The following GPRC6A variants were observed in gnomAD, a reference collection of about 807,000 sequenced individuals.
GPRC6A encodes G protein-coupled receptor class C group 6 member A, also known as G protein-coupled receptor family C group 6 member A.
In GPRC6A, 54 loss-of-function variants were observed where a neutral mutation model predicts 47.0. That is an observed-to-expected ratio of 1.15 (90% CI 0.92 to 1.44). GPRC6A has a LOEUF of 1.44. GPRC6A is among the 40% of genes most tolerant of loss of function. The pLI is 0.00. For missense variants in GPRC6A, 1,112 were observed against 1,105.5 expected (o/e 1.01, Z -0.08); for synonymous variants, 347 against 377.1 (o/e 0.92, Z 0.93).
chr6:116,812,446 G>A (rs1773056562), intron 1 of GPRC6A, among the ~76,000 whole-genome samples: 2 of 152,096 alleles, frequency 1.3e-5, no homozygotes, highest in Non-Finnish European at 2.9e-5. Context: ...TGGTAAAAAA[G>A]AGGAAGGACT....
chr6:116,799,904 T>C (rs1772606737), intron 4 of GPRC6A, among the ~76,000 whole-genome samples: 1 of 152,194 alleles, frequency 6.6e-6, no homozygotes, highest in South Asian at 2.1e-4. Flanking sequence ...AGTCTGTCTA[T>C]AGTGCCAGAT....
chr6:116,793,098 G>A lies in GPRC6A; in HGVS notation c.1825C>T (p.Leu609=), dbSNP rs770013360. The A allele has an allele frequency of 1.9e-6, 3 of 1,613,846 alleles. No homozygotes were observed. Among genetic ancestry groups the A allele is most frequent in the Non-Finnish European group, 2.5e-6 (3 of 1,179,898 alleles). The change falls in exon 6 of 6, where the codon CTG becomes TTG. Residue 609 remains leucine, a synonymous_variant. Coordinates refer to ENST00000310357, the MANE Select transcript of GPRC6A (RefSeq NM_148963.4). ...CTTGTAAATATTATGCCAACAACCAGAACAAATATGATTCCCAGTAGGGAG... is the reference window on the plus strand; with the variant it reads ...CTTGTAAATATTATGCCAACAACCAAAACAAATATGATTCCCAGTAGGGAG... ...ILSLLGIIFV[L]VVGIIFTRNL... is the part of the protein sequence containing the mutation.
rs934200292 is a variant in GPRC6A at position 116,795,827 on chromosome 6, T to C, written c.1557A>G (p.Gln519=). The C allele has an allele frequency of 4.4e-6, 7 of 1,593,568 alleles. No individual in the cohort carries two copies. Among genetic ancestry groups the C allele is most frequent in the South Asian group, 1.1e-5 (1 of 88,024 alleles). ...GACTGCATTCCTTGGAGCATTTAGA[T>C]TGAATTTGCTATATTAAAAGTGAAA... ...KNEFRNLKQI[Q]SKCSKECSPG... Residue 519 remains glutamine, a synonymous_variant, in exon 5 of 6, where the codon CAA becomes CAG. Transcript: ENST00000310357.
In GPRC6A at chr6:116,792,577, T is replaced by C. The variant is rs142538814; in HGVS notation, c.2346A>G (p.Lys782=). The C allele has an allele frequency of 6.2e-6, 10 of 1,609,330 alleles. No individual in the cohort carries two copies. The African/African-American group carries it at 9.6e-5, about 16-fold the overall frequency. ...AAATGAGCATGCCAAATGTAATGAA[T>C]TTGGCTTCATTGTAATTCTCATATT... is the stretch of plus-strand genomic sequence containing the variant. ...KGKYENYNEA[K]FITFGMLIYF... is the part of the protein sequence containing the mutation. The change falls in exon 6 of 6, where the codon AAA becomes AAG. Residue 782 remains lysine, a synonymous_variant. Transcript: ENST00000310357.
chr6:116,794,461 C>G (rs768425010), intron 5 of GPRC6A, among the ~76,000 whole-genome samples: 1 of 152,122 alleles, frequency 6.6e-6, no homozygotes, highest in African/African-American at 2.4e-5. Context: ...TTTCCTAACT[C>G]CTAGCTTATC....
Position 116,792,784 on chromosome 6 carries a change from G to A in GPRC6A, c.2139C>T (p.Gly713=). 6.2e-7 allele frequency: 1 copy of A among 1,614,042 alleles called. No homozygotes were observed. The highest frequency in any genetic ancestry group is 8.5e-7 in the Non-Finnish European group (1 of 1,179,968). Residue 713 remains glycine (G), a synonymous_variant, in exon 6 of 6, where the codon GGC becomes GGT. Coordinates refer to ENST00000310357, the MANE Select transcript of GPRC6A (RefSeq NM_148963.4). ...AGAGTGTGCAAATGACAACCTGGATGCCCGTGCAAGTGAAGATAATAAGGA... is the reference window on the plus strand; with the variant it reads ...AGAGTGTGCAAATGACAACCTGGATACCCGTGCAAGTGAAGATAATAAGGA... The part of the protein sequence containing the change: ...RPILIIFTCT[G]IQVVICTLWL...
At position 116,795,693 on chromosome 6, in the gene GPRC6A, G is replaced by A. The variant is rs745929822; in HGVS notation, c.1672+19C>T. On this transcript the variant is annotated intron_variant, in intron 5 of 5. Coordinates refer to ENST00000310357, the MANE Select transcript of GPRC6A (RefSeq NM_148963.4). ...CCTAAGAGGAATGATTCAGGTGTAT[G>A]TGGAGTGACTGTGATTACCTGTCTG... 1.9e-6 allele frequency: 3 copies of A among 1,591,880 alleles called. No individual in the cohort carries two copies. In the Admixed American group the frequency reaches 5.1e-5, roughly 27 times the overall value.
rs1772360110 is a variant in GPRC6A, at chr6:116,792,928, C to G, written c.1995G>C (p.Met665Ile). ...TGCAAAGAGTAAAGCTCACTCCAAA[C>G]ATTGTCTGCCTGGTTTTACATGTGA... is the stretch of plus-strand genomic sequence containing the variant. ...QDFTCKTRQT[M>I]FGVSFTLCIS... The change falls in exon 6 of 6, where the codon ATG becomes ATC. Residue 665 changes from methionine to isoleucine, a missense_variant. Coordinates refer to ENST00000310357, the MANE Select transcript of GPRC6A (RefSeq NM_148963.4). The G allele has an allele frequency of 1.9e-6, 3 of 1,614,002 alleles. No individual in the cohort carries two copies. Among genetic ancestry groups the G allele is most frequent in the African/African-American group, 2.7e-5 (2 of 74,942 alleles).
chr6:116,794,384 C>G (rs1019587403), intron 5 of GPRC6A, among the ~76,000 whole-genome samples: 5 of 152,112 alleles, frequency 3.3e-5, no homozygotes, highest in African/African-American at 1.2e-4. Flanking sequence ...ATTTAATGGC[C>G]TCATCTAGGT....
At position 116,818,394 on chromosome 6, in the gene GPRC6A, C is replaced by T. The variant is rs1420757994; in HGVS notation, c.195-8777G>A. On this transcript the variant is annotated intron_variant, in intron 1 of 5. Coordinates refer to ENST00000310357, the MANE Select transcript of GPRC6A (RefSeq NM_148963.4). ...CTAAAAATACAAAAAATTAGCCGGG[C>T]GTAGTGGCGGGCGCCTGTAGTCCCA... Among the ~76,000 whole-genome samples, 8 of 147,228 alleles carry T rather than the reference C, an allele frequency of 5.4e-5. No homozygotes were observed. In the East Asian group the frequency reaches 7.9e-4, roughly 15 times the overall value.
chr6:116,817,168 C>T (rs1318797236), intron 1 of GPRC6A, among the ~76,000 whole-genome samples: 2 of 152,042 alleles, frequency 1.3e-5, no homozygotes, highest in East Asian at 1.9e-4. Context: ...CAGTGGTTCT[C>T]CCAGCACGCA....
In GPRC6A at chr6:116,795,768, T is replaced by G. The variant is rs994659443; in HGVS notation, c.1616A>C (p.His539Pro). 7.5e-6 allele frequency: 12 copies of G among 1,609,336 alleles called. No homozygotes were observed. The highest frequency in any genetic ancestry group is 9.4e-6 in the Non-Finnish European group (11 of 1,176,118). ...GTTCTGACATTCATAGCAACAGATG[T>G]GTTGACTTCTTGTAGTTTTCTTCAT... ...GQMKKTTRSQHICCYECQNCP... is the reference protein window; with the variant it reads ...GQMKKTTRSQPICCYECQNCP... The change falls in exon 5 of 6, where the codon CAC becomes CCC. Residue 539 changes from histidine to proline, a missense_variant. By Grantham distance (77) the His-to-Pro change is moderately conservative. Coordinates refer to ENST00000310357, the MANE Select transcript of GPRC6A (RefSeq NM_148963.4).
chr6:116,819,698 C>A (rs1330622039), intron 1 of GPRC6A, among the ~76,000 whole-genome samples: 2 of 152,068 alleles, frequency 1.3e-5, no homozygotes, highest in African/African-American at 4.8e-5. Context: ...CTCTGGGACA[C>A]ATTCAAAGCA....
intron 4 of GPRC6A, among the ~76,000 whole-genome samples, chr6:116,797,465 C>G (rs1035866999): frequency 2.0e-5 from 3 of 152,112 alleles, no homozygotes; most frequent in Non-Finnish European, 4.4e-5. Flanking sequence ...CCTAACTAGC[C>G]TGCAAATTGA....
chr6:116,794,281 T>G (rs1772407098), intron 5 of GPRC6A, among the ~76,000 whole-genome samples: 1 of 152,208 alleles, frequency 6.6e-6, no homozygotes, highest in Admixed American at 6.5e-5. Context: ...CCTCCTCCTC[T>G]TTCCGAACTC....
chr6:116,817,044 G>A (rs919220135), intron 1 of GPRC6A, among the ~76,000 whole-genome samples: 14 of 152,220 alleles, frequency 9.2e-5, no homozygotes, highest in African/African-American at 3.4e-4. Context: ...CACAGCTCAA[G>A]GAGGCCTGCC....
intron 1 of GPRC6A, among the ~76,000 whole-genome samples, chr6:116,824,926 G>C (rs1223767086): frequency 6.6e-6 from 1 of 152,022 alleles, no homozygotes; most frequent in African/African-American, 2.4e-5. Context: ...TGCAAGGATA[G>C]TTTAACATAT....
intron 1 of GPRC6A, among the ~76,000 whole-genome samples, chr6:116,816,598 G>A (rs1445994724): frequency 6.6e-6 from 1 of 152,230 alleles, no homozygotes; most frequent in African/African-American, 2.4e-5. Context: ...CAGAAGACGG[G>A]TGATTTCTGC....
intron 1 of GPRC6A, among the ~76,000 whole-genome samples, chr6:116,819,776 C>A (rs921038226): frequency 1.2e-4 from 18 of 151,054 alleles, no homozygotes; most frequent in African/African-American, 4.4e-4. Context: ...AAAATTGACA[C>A]CCTAACATCA....
Sources: allele counts gnomAD v4.1 joint callset (sites outside exome capture counted in the v4.1 genomes callset), GRCh38; gene constraint gnomAD v4.1.1; transcripts MANE v1.5; gene names NCBI Gene and HGNC (gene_info 2026-07-23, HGNC 2026-07-21).